Variants in SLIT3 observed in about 807,000 individuals in gnomAD.
SLIT3 encodes the protein slit homolog 3 protein.
Under a neutral mutation model 184.0 loss-of-function variants are expected in SLIT3, and 68 were observed. The ratio of observed to expected loss-of-function variants is 0.37; its 90% CI spans 0.30 to 0.45. The LOEUF is 0.45. SLIT3 is among the 20% of genes least tolerant of loss of function. The pLI is 1.00. For missense variants in SLIT3, 1,707 were observed against 2,026.0 expected, an observed-to-expected ratio of 0.84 and a Z score of 3.02; for synonymous variants, 831 against 828.6, an observed-to-expected ratio of 1.00 and a Z score of -0.05.
At chr5:169,195,497 T>C (rs116663870) in intron 3 of SLIT3, among the ~76,000 whole-genome samples, 1,637 of 152,264 alleles carry the variant, frequency 0.011, 18 homozygotes, top group Non-Finnish European at 0.017. Flanking sequence ...TAAGATAAGC[T>C]CTAATTCCCT....
intron 34 of SLIT3, 136 bp downstream of exon 34, chr5:168,671,062 T>A (rs907321189): frequency 1.0e-5 from 10 of 976,084 alleles, no homozygotes; most frequent in African/African-American, 8.1e-5. Flanking sequence ...TCTTAAGCAG[T>A]TACACTTACA....
At chr5:169,130,818 C>T (rs908209790) in intron 4 of SLIT3, among the ~76,000 whole-genome samples, 3 of 152,140 alleles carry the variant, frequency 2.0e-5, no homozygotes, top group African/African-American at 7.2e-5. Flanking sequence ...TTAAACTAGA[C>T]TGATCATGTG....
chr5:169,094,595 A>G (rs959601493), intron 4 of SLIT3, among the ~76,000 whole-genome samples: 5 of 152,172 alleles, frequency 3.3e-5, no homozygotes, highest in Non-Finnish European at 5.9e-5. Flanking sequence ...GCATCACTGC[A>G]CTCCAGCAGG....
chr5:168,757,590 C>T (rs1047527506), intron 16 of SLIT3, among the ~76,000 whole-genome samples: 57 of 152,158 alleles, frequency 3.7e-4, no homozygotes, highest in African/African-American at 1.3e-3. Context: ...CCTGCCATTG[C>T]GCCCGGCTAA....
intron 6 of SLIT3, among the ~76,000 whole-genome samples, chr5:168,839,535 A>G (rs1238421470): frequency 6.6e-6 from 1 of 152,154 alleles, no homozygotes; most frequent in Non-Finnish European, 1.5e-5. Flanking sequence ...AGATATCTCA[A>G]TTTTTAAATG....
intron 20 of SLIT3, among the ~76,000 whole-genome samples, chr5:168,728,468 A>G (rs1763203022): frequency 6.6e-6 from 1 of 152,106 alleles, no homozygotes; most frequent in South Asian, 2.1e-4. Flanking sequence ...CCCAATCAAA[A>G]AGAATTCCTT....
intron 4 of SLIT3, among the ~76,000 whole-genome samples, chr5:169,122,732 A>G (rs970616075): frequency 1.3e-5 from 2 of 152,176 alleles, no homozygotes; most frequent in African/African-American, 4.8e-5. Flanking sequence ...CCACAGGGTT[A>G]TTTGGGTCTC....
chr5:169,235,723 T>A (rs1581087438), intron 3 of SLIT3, among the ~76,000 whole-genome samples: 2 of 152,246 alleles, frequency 1.3e-5, no homozygotes, highest in East Asian at 3.8e-4. Flanking sequence ...TGAGGAGGAC[T>A]ATTCAGGTAT....
At chr5:168,941,547 G>A (rs1338736793) in intron 4 of SLIT3, among the ~76,000 whole-genome samples, 1 of 152,206 alleles carries the variant, frequency 6.6e-6, no homozygotes, top group African/African-American at 2.4e-5. Context: ...TTGAAGAACA[G>A]TAGGGGATAC....
At chr5:168,756,042 T>C (rs1210330741) in intron 16 of SLIT3, among the ~76,000 whole-genome samples, 3 of 152,214 alleles carry the variant, frequency 2.0e-5, no homozygotes, top group Non-Finnish European at 4.4e-5. Context: ...GAGCCTTGCA[T>C]GGGGAACCAT....
chr5:168,912,240 T>C (rs1408591731), intron 4 of SLIT3, among the ~76,000 whole-genome samples: 1 of 151,444 alleles, frequency 6.6e-6, no homozygotes, highest in East Asian at 1.9e-4. Context: ...TTATACAGTG[T>C]ATTATACATA....
At chr5:168,797,301 T>C (rs1162760421) in intron 9 of SLIT3, among the ~76,000 whole-genome samples, 1 of 152,190 alleles carries the variant, frequency 6.6e-6, no homozygotes, top group Non-Finnish European at 1.5e-5. Context: ...CATGGATCTC[T>C]GGGGCTGCCA....
chr5:169,234,406 CTTG>C (rs1765119651), intron 3 of SLIT3, among the ~76,000 whole-genome samples: 1 of 152,002 alleles, frequency 6.6e-6, no homozygotes, highest in Non-Finnish European at 1.5e-5. Flanking sequence ...TTGTATGAAG[CTTG>C]TTGTTTTTGT....
chr5:168,815,495 A>G (rs989142983), intron 8 of SLIT3, among the ~76,000 whole-genome samples: 1 of 152,142 alleles, frequency 6.6e-6, no homozygotes, highest in African/African-American at 2.4e-5. Flanking sequence ...ACTTATGCCG[A>G]TATTGTACCC....
chr5:168,921,304 C>T (rs983046932), intron 4 of SLIT3, among the ~76,000 whole-genome samples: 47 of 152,168 alleles, frequency 3.1e-4, no homozygotes, highest in Admixed American at 8.5e-4. Context: ...CACTCCAAGG[C>T]GCATACCCAG....
intron 1 of SLIT3, among the ~76,000 whole-genome samples, chr5:169,265,404 A>G (rs1766359803): frequency 1.3e-5 from 2 of 152,202 alleles, no homozygotes; most frequent in African/African-American, 4.8e-5. Context: ...AGTGGCCATC[A>G]TAAGCTGGTA....
intron 4 of SLIT3, among the ~76,000 whole-genome samples, chr5:169,065,300 A>G (rs2113107318): frequency 6.6e-6 from 1 of 152,338 alleles, no homozygotes; most frequent in East Asian, 1.9e-4. Flanking sequence ...CGTCTAGTGT[A>G]TCACACAGCC....
intron 4 of SLIT3, among the ~76,000 whole-genome samples, chr5:168,990,642 G>A (rs1755286539): frequency 6.6e-6 from 1 of 152,178 alleles, no homozygotes; most frequent in African/African-American, 2.4e-5. Flanking sequence ...GTTGAATAGA[G>A]CCTCTACATC....
At chr5:169,222,621 T>C (rs1235211050) in intron 3 of SLIT3, among the ~76,000 whole-genome samples, 1 of 152,184 alleles carries the variant, frequency 6.6e-6, no homozygotes, top group Non-Finnish European at 1.5e-5. Context: ...AGTTTTTGGT[T>C]CAAGTAGAAG....
Sources: gnomAD v4.1 joint callset for allele counts (sites outside exome capture counted in the v4.1 genomes callset) on GRCh38, gnomAD v4.1.1 for gene constraint, MANE v1.5 for transcripts, NCBI Gene and HGNC (gene_info 2026-07-23, HGNC 2026-07-21) for gene names.